The following NRG1 variants were observed in gnomAD, a reference collection of about 807,000 sequenced individuals.
NRG1 encodes neuregulin 1.
In NRG1, 18 loss-of-function variants were observed where a neutral mutation model predicts 63.8. The ratio of observed to expected loss-of-function variants is 0.28; its 90% confidence interval spans 0.19 to 0.42. The LOEUF is 0.42. Ranked by LOEUF, NRG1 falls within the 10% of genes least tolerant of loss-of-function variation. The probability of loss-of-function intolerance (pLI) is 1.00; values close to 1 mark genes in which losing one functional copy is unlikely to be tolerated. For missense variants in NRG1, 762 were observed against 814.7 expected, an observed-to-expected ratio of 0.94 and a Z score of 0.79; for synonymous variants, 302 against 301.3, an observed-to-expected ratio of 1.00 and a Z score of -0.02.
intron 2 of NRG1, among the ~76,000 whole-genome samples, chr8:32,602,419 C>T (rs113359589): frequency 2.0e-5 from 3 of 152,066 alleles, no homozygotes; most frequent in Admixed American, 6.6e-5. Flanking sequence ...ATAGTTCCAT[C>T]TAGTTCAATA....
At chr8:31,703,547 G>T (rs1457356129) in intron 1 of NRG1, among the ~76,000 whole-genome samples, 2 of 152,002 alleles carry the variant, frequency 1.3e-5, no homozygotes, top group Non-Finnish European at 2.9e-5. Flanking sequence ...CAATTTATTG[G>T]ACAATTGCAC....
chr8:32,196,885 A>T (rs1430987733), intron 1 of NRG1, among the ~76,000 whole-genome samples: 3 of 137,178 alleles, frequency 2.2e-5, no homozygotes, highest in African/African-American at 8.0e-5. Context: ...TTAGAATGAG[A>T]CTGCTAGATT....
chr8:32,607,885 AG>A (rs1845531016), intron 3 of NRG1, among the ~76,000 whole-genome samples: 1 of 152,170 alleles, frequency 6.6e-6, no homozygotes, highest in Admixed American at 6.6e-5. Context: ...ATGTAATTAA[AG>A]CCTCTGAAGA....
intron 1 of NRG1, among the ~76,000 whole-genome samples, chr8:32,404,854 G>T (rs1034398468): frequency 1.3e-5 from 2 of 152,020 alleles, no homozygotes; most frequent in Non-Finnish European, 2.9e-5. Flanking sequence ...CAAAGTGCTG[G>T]GATTACAGAT....
At chr8:32,733,929 C>G (rs1179118107) in intron 6 of NRG1, among the ~76,000 whole-genome samples, 1 of 152,090 alleles carries the variant, frequency 6.6e-6, no homozygotes, top group Non-Finnish European at 1.5e-5. Flanking sequence ...CTCTGAGACA[C>G]GGTAACATGC....
intron 1 of NRG1, among the ~76,000 whole-genome samples, chr8:31,694,684 G>A (rs1046884209): frequency 6.6e-6 from 1 of 152,200 alleles, no homozygotes; most frequent in African/African-American, 2.4e-5. Flanking sequence ...ATGGGGCATA[G>A]GGACATTTGC....
At chr8:32,288,342 T>C (rs1458057042) in intron 1 of NRG1, among the ~76,000 whole-genome samples, 1 of 152,176 alleles carries the variant, frequency 6.6e-6, no homozygotes, top group Non-Finnish European at 1.5e-5. Flanking sequence ...ATGACTTTTT[T>C]GGAGAAAATT....
At chr8:31,660,172 G>A (rs773660789) in intron 1 of NRG1, among the ~76,000 whole-genome samples, 1 of 152,150 alleles carries the variant, frequency 6.6e-6, no homozygotes, top group Non-Finnish European at 1.5e-5. Flanking sequence ...TTTTCTCCCT[G>A]CCCTCCGTAA....
intron 1 of NRG1, among the ~76,000 whole-genome samples, chr8:32,320,256 A>G (rs768456032): frequency 3.9e-5 from 6 of 152,152 alleles, no homozygotes; most frequent in Non-Finnish European, 8.8e-5. Context: ...TCCATGTGCA[A>G]AAGGAATTCT....
chr8:32,462,561 T>C (rs1822446774), intron 1 of NRG1, among the ~76,000 whole-genome samples: 2 of 151,890 alleles, frequency 1.3e-5, no homozygotes, highest in African/African-American at 4.8e-5. Context: ...CTATAATCTT[T>C]CTGTTGTACA....
intron 1 of NRG1, among the ~76,000 whole-genome samples, chr8:31,842,921 C>T (rs1297038161): frequency 6.6e-6 from 1 of 152,104 alleles, no homozygotes; most frequent in Non-Finnish European, 1.5e-5. Flanking sequence ...CCCACCAAAC[C>T]CTGGATTTCA....
chr8:31,973,779 G>A (rs1807694946), intron 1 of NRG1, among the ~76,000 whole-genome samples: 3 of 152,222 alleles, frequency 2.0e-5, no homozygotes, highest in Non-Finnish European at 4.4e-5. Flanking sequence ...TGTTGTCTGT[G>A]TGGATAGACC....
intron 5 of NRG1, among the ~76,000 whole-genome samples, chr8:32,641,760 T>C (rs1484672434): frequency 2.0e-5 from 3 of 152,208 alleles, no homozygotes; most frequent in African/African-American, 7.2e-5. Flanking sequence ...TAAGTCAAAT[T>C]GTCTGCTCTG....
At chr8:31,639,542 C>T in intron 1 of NRG1, 4 of 1,467,666 alleles carry the variant, frequency 2.7e-6, no homozygotes, top group Non-Finnish European at 3.6e-6. Flanking sequence ...CTCCCAGCCG[C>T]TTGCTCGCAG....
chr8:32,135,773 A>C (rs1461977851), intron 1 of NRG1, among the ~76,000 whole-genome samples: 3 of 152,092 alleles, frequency 2.0e-5, no homozygotes, highest in African/African-American at 4.8e-5. Context: ...CCTGTAACAC[A>C]CAGCTAGTAT....
chr8:32,598,177 T>A (rs1269797760), intron 2 of NRG1, among the ~76,000 whole-genome samples: 1 of 152,054 alleles, frequency 6.6e-6, no homozygotes, highest in Non-Finnish European at 1.5e-5. Context: ...ACAGAGATTA[T>A]CTAGTTCAGT....
chr8:32,117,321 C>T (rs16878850), intron 1 of NRG1, among the ~76,000 whole-genome samples: 3,612 of 152,222 alleles, frequency 0.024, 156 homozygotes, highest in African/African-American at 0.082. Context: ...GTCAGCATGA[C>T]GTGTTAGCTA....
upstream of NRG1, among the ~76,000 whole-genome samples, chr8:32,544,955 C>CAG (rs1554577229): frequency 6.6e-6 from 1 of 151,630 alleles, no homozygotes; most frequent in African/African-American, 2.4e-5. Flanking sequence ...AACTTTGTTG[C>CAG]AGTTTTTAAA....
At chr8:31,752,418 C>T (rs749454625) in intron 1 of NRG1, among the ~76,000 whole-genome samples, 2 of 151,958 alleles carry the variant, frequency 1.3e-5, no homozygotes, top group Non-Finnish European at 2.9e-5. Context: ...TGTCACTGGA[C>T]TACAGTGATA....
Sources: allele counts gnomAD v4.1 joint callset (sites outside exome capture counted in the v4.1 genomes callset), GRCh38; gene constraint gnomAD v4.1.1; transcripts MANE v1.5; gene names NCBI Gene and HGNC (gene_info 2026-07-23, HGNC 2026-07-21).